Variants in MTR observed in about 807,000 individuals in gnomAD.
MTR encodes methionine synthase.
A neutral mutation model predicts 154.8 loss-of-function variants in MTR; 84 were observed. The ratio of observed to expected loss-of-function variants is 0.54; its 90% CI spans 0.45 to 0.65. MTR has a LOEUF of 0.65. MTR is among the 30% of genes least tolerant of loss of function. MTR has a pLI of 0.00. For missense variants in MTR, 1,275 were observed against 1,570.2 expected (o/e 0.81, Z 3.18); for synonymous variants, 554 against 553.9 (o/e 1.00, Z 0.00).
chr1:236,900,619 T>C lies in MTR; in HGVS notation c.*2975T>C, dbSNP rs1354280533. On this transcript the variant is annotated 3_prime_UTR_variant, in exon 33 of 33. Coordinates refer to ENST00000366577, the MANE Select transcript of MTR (RefSeq NM_000254.3). ...ACAGTTTTTTACATATTAAATATGT[T>C]CTACTTAAATATATTATAAAAAATA... is the stretch of plus-strand genomic sequence containing the variant. The C allele has an allele frequency of 6.6e-6, 1 of 152,212 alleles. No homozygotes were observed. The highest frequency in any genetic ancestry group is 1.9e-4 in the East Asian group (1 of 5,206). 9.4% of individuals were successfully genotyped at this position (152,212 alleles called of 1,614,324 possible). A position where few individuals can be genotyped will look rare whatever the true frequency, so the allele number is the denominator to read the frequency against.
chr1:236,845,887 AG>A (rs2103215872), intron 15 of MTR, among the ~76,000 whole-genome samples: 1 of 152,274 alleles, frequency 6.6e-6, no homozygotes, highest in African/African-American at 2.4e-5. Context: ...TGTAGCAATC[AG>A]TTAAGAACCG....
At chr1:236,796,772 C>T (rs1660413189) in intron 1 of MTR, among the ~76,000 whole-genome samples, 1 of 133,348 alleles carries the variant, frequency 7.5e-6, no homozygotes, top group Admixed American at 7.7e-5. Context: ...GAGGTTACAT[C>T]TTATTTATAT....
chr1:236,848,490 G>A (rs1188142846), intron 15 of MTR, among the ~76,000 whole-genome samples: 8 of 152,184 alleles, frequency 5.3e-5, no homozygotes, highest in Non-Finnish European at 1.0e-4. Context: ...GACTTTAAAA[G>A]TTCAAGCCTA....
At chr1:236,886,432 A>G in intron 27 of MTR, 65 bp downstream of exon 27, 2 of 1,491,586 alleles carry the variant, frequency 1.3e-6, no homozygotes, top group East Asian at 2.3e-5. Context: ...GAGGAAATAC[A>G]TGCATTTACT....
intron 22 of MTR, among the ~76,000 whole-genome samples, chr1:236,871,421 G>A (rs1246290903): frequency 6.6e-6 from 1 of 152,026 alleles, no homozygotes; most frequent in Non-Finnish European, 1.5e-5. Flanking sequence ...GTTCCTGAGA[G>A]AAACACTGCT....
chr1:236,827,713 TGAAG>T (rs1662372382), intron 11 of MTR, among the ~76,000 whole-genome samples: 1 of 152,208 alleles, frequency 6.6e-6, no homozygotes, highest in Admixed American at 6.5e-5. Flanking sequence ...AGTGTGCATA[TGAAG>T]GAAGGGAGCG....
intron 13 of MTR, among the ~76,000 whole-genome samples, chr1:236,834,239 G>A (rs1259609900): frequency 2.6e-5 from 4 of 152,186 alleles, no homozygotes; most frequent in African/African-American, 4.8e-5. Flanking sequence ...GAGTGCGATG[G>A]CATGATCTTG....
At chr1:236,880,320 G>T (rs1250993704) in intron 24 of MTR, among the ~76,000 whole-genome samples, 3 of 152,192 alleles carry the variant, frequency 2.0e-5, no homozygotes, top group Non-Finnish European at 4.4e-5. Flanking sequence ...CTGCTAGACA[G>T]CCATATCCTG....
At chr1:236,812,581 C>G (rs1158224536) in intron 5 of MTR, among the ~76,000 whole-genome samples, 157 bp from the exon 6 acceptor site, 2 of 152,190 alleles carry the variant, frequency 1.3e-5, no homozygotes, top group Non-Finnish European at 2.9e-5. Flanking sequence ...GTCCCTGCCA[C>G]CTTTCTTTAT....
intron 3 of MTR, among the ~76,000 whole-genome samples, chr1:236,807,969 A>G (rs1438923231): frequency 1.3e-5 from 2 of 152,188 alleles, no homozygotes; most frequent in Non-Finnish European, 2.9e-5. Flanking sequence ...CCTATGAGCC[A>G]GAGTTTGCCA....
At chr1:236,815,312 A>AAATAATTTATTT (rs960137091) in intron 6 of MTR, among the ~76,000 whole-genome samples, 3 of 152,012 alleles carry the variant, frequency 2.0e-5, no homozygotes, top group Non-Finnish European at 4.4e-5. Flanking sequence ...ATTTATTTTT[A>AAATAATTTATTT]ATTTTTATTG....
At chr1:236,875,760 C>T (rs1057103587) in intron 24 of MTR, among the ~76,000 whole-genome samples, 6 of 152,128 alleles carry the variant, frequency 3.9e-5, no homozygotes, top group African/African-American at 1.4e-4. Flanking sequence ...TCCTTTTGCA[C>T]TACAAACAAC....
At chr1:236,841,629 T>C (rs144327363) in intron 15 of MTR, among the ~76,000 whole-genome samples, 229 of 146,726 alleles carry the variant, frequency 1.6e-3, no homozygotes, top group African/African-American at 5.5e-3. Flanking sequence ...ACTCATAATT[T>C]CCAAATTCTT....
chr1:236,862,386 C>T (rs747715987), intron 21 of MTR, 43 bp downstream of exon 21: 3 of 1,528,282 alleles, frequency 2.0e-6, no homozygotes, highest in South Asian at 1.1e-5. Flanking sequence ...AGTGGGTTGA[C>T]CTGGAAGACT....
At chr1:236,825,211 T>G in intron 9 of MTR, 127 bp from the exon 10 acceptor site, 2 of 553,736 alleles carry the variant, frequency 3.6e-6, no homozygotes, top group Non-Finnish European at 6.3e-6. Flanking sequence ...TATTATGTGT[T>G]TGTTTTTGCA....
Position 236,815,592 on chromosome 1 carries a change from T to C in MTR, c.610-12T>C, listed in dbSNP as rs761607022. On this transcript the variant is annotated splice_polypyrimidine_tract_variant and intron_variant, in intron 6 of 32. Transcript: ENST00000366577. ...TCAGAAATAAAGACGTTCTTTCTTT[T>C]TTCCCTGACAGGCAGCCTTGTTTGC... The C allele has an allele frequency of 3.7e-6, 6 of 1,613,902 alleles. No homozygotes were observed. The East Asian group carries it at 1.3e-4, about 36-fold the overall frequency.
In MTR at chr1:236,824,021, A is replaced by G. The variant is rs1164059854; in HGVS notation, c.765-98A>G. The G allele has an allele frequency of 5.9e-6, 6 of 1,013,200 alleles. No homozygotes were observed. In the African/African-American group the frequency reaches 8.0e-5, roughly 13 times the overall value. The allele number at this position is 1,013,200 out of a possible 1,614,324, so 62.8% of individuals were successfully genotyped here. ...AGTGCTTTGAATGAGGAGATTTATT[A>G]TCCACTTGGTTTTAGATATATTGTC... On this transcript the variant is annotated intron_variant, in intron 8 of 32. Transcript: ENST00000366577.
At chr1:236,845,230 C>T (rs1228915970) in intron 15 of MTR, among the ~76,000 whole-genome samples, 1 of 152,124 alleles carries the variant, frequency 6.6e-6, no homozygotes, top group Non-Finnish European at 1.5e-5. Flanking sequence ...AGTGCTTGGT[C>T]TTGTCTAAGG....
rs12065382 is a variant in MTR, at chr1:236,886,579, C to T, written c.2851+212C>T. 0.35 allele frequency among the ~76,000 whole-genome samples: 53,540 copies of T among 152,088 alleles called. 10,235 individuals carry two copies. Among genetic ancestry groups the T allele is most frequent in the East Asian group, 0.44 (2,258 of 5,178 alleles). ...GTGCCAGATACCATCCTGAGATGGACTCATAGCAGCTCTCTGAGTCCTTCA... is the reference window on the plus strand; with the variant it reads ...GTGCCAGATACCATCCTGAGATGGATTCATAGCAGCTCTCTGAGTCCTTCA... On this transcript the variant is annotated intron_variant, in intron 27 of 32. Transcript: ENST00000366577.
Sources: allele counts gnomAD v4.1 joint callset (sites outside exome capture counted in the v4.1 genomes callset), GRCh38; gene constraint gnomAD v4.1.1; transcripts MANE v1.5; gene names NCBI Gene and HGNC (gene_info 2026-07-23, HGNC 2026-07-21).